Variants in SP140 observed in about 807,000 individuals in gnomAD.
SP140 encodes the protein SP140 nuclear body protein.
SP140 carries 81 observed loss-of-function variants against 125.0 expected under a neutral mutation model. That is an observed-to-expected ratio of 0.65 (90% confidence interval 0.54 to 0.78). SP140 has a LOEUF of 0.78. Ranked by LOEUF, SP140 falls within the 30% of genes least tolerant of loss-of-function variation. The pLI is 0.00. For missense variants in SP140, 858 were observed against 1,037.0 expected, an observed-to-expected ratio of 0.83 and a Z score of 2.37; for synonymous variants, 312 against 354.0, an observed-to-expected ratio of 0.88 and a Z score of 1.33.
At chr2:230,273,645 A>G (rs148819409) in intron 15 of SP140, among the ~76,000 whole-genome samples, 103 of 152,326 alleles carry the variant, frequency 6.8e-4, no homozygotes, top group African/African-American at 2.1e-3. Flanking sequence ...ACATATGCAC[A>G]TGTATGCTTA....
chr2:230,193,784 G>C, the SP140 span, among the ~76,000 whole-genome samples: 3 of 152,310 alleles, frequency 2.0e-5, no homozygotes, highest in African/African-American at 7.2e-5. Flanking sequence ...ATAGGTTTCA[G>C]GGGGAGGGCA....
At chr2:230,304,004 C>T (rs2058537604) in intron 22 of SP140, among the ~76,000 whole-genome samples, 1 of 151,912 alleles carries the variant, frequency 6.6e-6, no homozygotes, top group Non-Finnish European at 1.5e-5. Context: ...CCTAGAAAAC[C>T]CTAAGGACTC....
chr2:230,247,887 C>A (rs747240213), intron 7 of SP140, 29 bp from the exon 8 acceptor site: 1 of 1,609,196 alleles, frequency 6.2e-7, no homozygotes, highest in Non-Finnish European at 8.5e-7. Flanking sequence ...ATTACATACA[C>A]TCTCAGAGAT....
chr2:230,257,338 A>G (rs2051390347), intron 12 of SP140, among the ~76,000 whole-genome samples: 1 of 151,368 alleles, frequency 6.6e-6, no homozygotes, highest in South Asian at 2.1e-4. Flanking sequence ...GGCAATATGA[A>G]AAGTATATGT....
intron 21 of SP140, among the ~76,000 whole-genome samples, chr2:230,294,536 T>C (rs2057480873): frequency 6.6e-6 from 1 of 152,104 alleles, no homozygotes; most frequent in African/African-American, 2.4e-5. Flanking sequence ...AACCATTTCA[T>C]ATGAAGATGA....
chr2:230,216,787 C>T, intron 3 of SP140: 1 of 1,613,936 alleles, frequency 6.2e-7, no homozygotes, highest in Non-Finnish European at 8.5e-7. Context: ...TCACCATGTA[C>T]ATTCTCTTAG....
In SP140 at chr2:230,284,510, T is replaced by C. The variant is rs139880138; in HGVS notation, c.1564+99T>C. 3.7e-3 allele frequency: 3,498 copies of C among 957,666 alleles called. 12 individuals are homozygous for C. Among genetic ancestry groups the C allele is most frequent in the Non-Finnish European group, 3.9e-3 (2,523 of 650,084 alleles). The allele number at this position is 957,666 out of a possible 1,614,324, so 59.3% of individuals were successfully genotyped here. On this transcript the variant is annotated intron_variant, in intron 16 of 26. Coordinates refer to ENST00000392045, the MANE Select transcript of SP140 (RefSeq NM_007237.5). ...GCAGTTCCCCAGAGCCAGAGTTCTA[T>C]ACCTCCTGTATCCATTAGGATGTAG...
At chr2:230,196,789 A>G in the SP140 span, among the ~76,000 whole-genome samples, 13 of 151,008 alleles carry the variant, frequency 8.6e-5, no homozygotes, top group African/African-American at 3.2e-4. Flanking sequence ...GAGAACATGC[A>G]GTGTTTGGTT....
intron 19 of SP140, among the ~76,000 whole-genome samples, chr2:230,292,290 A>G (rs1487083631): frequency 6.6e-6 from 1 of 152,202 alleles, no homozygotes. Flanking sequence ...CTGGAGACTC[A>G]GGCCTGGCCT....
chr2:230,238,754 G>C (rs1383778984), intron 3 of SP140: 1 of 1,544,000 alleles, frequency 6.5e-7, no homozygotes, highest in South Asian at 1.2e-5. Flanking sequence ...AATTTTCTTT[G>C]TATTAGAAAA....
At chr2:230,307,498 T>A (rs888624251) in intron 22 of SP140, among the ~76,000 whole-genome samples, 5 of 152,172 alleles carry the variant, frequency 3.3e-5, no homozygotes, top group African/African-American at 1.2e-4. Context: ...GGCTCTGAGG[T>A]TCCTGGCATC....
At chr2:230,199,141 TATTA>T (rs2043010447), upstream of SP140, among the ~76,000 whole-genome samples, 1 of 134,256 alleles carries the variant, frequency 7.4e-6, no homozygotes, top group African/African-American at 3.3e-5. Context: ...TTATTATTAT[TATTA>T]TTATTTTTTT....
At chr2:230,239,648 C>T (rs1029584996) in intron 3 of SP140, among the ~76,000 whole-genome samples, 1 of 152,134 alleles carries the variant, frequency 6.6e-6, no homozygotes, top group African/African-American at 2.4e-5. Context: ...AGGGTTTCGC[C>T]ATGTTGGCAA....
chr2:230,304,104 C>T (rs938687682), intron 22 of SP140, among the ~76,000 whole-genome samples: 1 of 152,136 alleles, frequency 6.6e-6, no homozygotes, highest in Admixed American at 6.5e-5. Flanking sequence ...CTGTTATATA[C>T]TAACAGAGAC....
chr2:230,302,576 G>A (rs1369691882), intron 22 of SP140, among the ~76,000 whole-genome samples: 1 of 152,164 alleles, frequency 6.6e-6, no homozygotes, highest in African/African-American at 2.4e-5. Flanking sequence ...AGATATTACA[G>A]AACATTCTAC....
intron 4 of SP140, among the ~76,000 whole-genome samples, chr2:230,241,711 T>G (rs1019415474): frequency 1.3e-5 from 2 of 152,050 alleles, no homozygotes; most frequent in African/African-American, 2.4e-5. Context: ...TGGTGGAGAA[T>G]ATAAGAAGAG....
intron 15 of SP140, among the ~76,000 whole-genome samples, chr2:230,281,407 G>A (rs796773229): frequency 1.1e-4 from 17 of 152,274 alleles, no homozygotes; most frequent in African/African-American, 3.4e-4. Context: ...TATGTTTAGA[G>A]TTCTTTTGTT....
chr2:230,295,231 C>T (rs557059767), intron 21 of SP140, among the ~76,000 whole-genome samples: 8 of 152,338 alleles, frequency 5.3e-5, no homozygotes, highest in East Asian at 1.9e-4. Context: ...GCATTCAAGA[C>T]ATTCACAGAC....
intron 19 of SP140, 83 bp from the exon 20 acceptor site, chr2:230,292,563 C>T (rs2057252389): frequency 6.4e-7 from 1 of 1,570,246 alleles, no homozygotes; most frequent in Non-Finnish European, 8.7e-7. Flanking sequence ...AATTGGGTGG[C>T]TCTAGATCCA....
Sources: gnomAD v4.1 joint callset for allele counts (sites outside exome capture counted in the v4.1 genomes callset) on GRCh38, gnomAD v4.1.1 for gene constraint, MANE v1.5 for transcripts, NCBI Gene and HGNC (gene_info 2026-07-23, HGNC 2026-07-21) for gene names.